The following BCKDHB variants were observed in gnomAD, a reference collection of about 807,000 sequenced individuals.
The protein encoded by BCKDHB is branched chain keto acid dehydrogenase E1 subunit beta.
In BCKDHB, 41 loss-of-function variants were observed where a neutral mutation model predicts 48.5. That is an observed-to-expected ratio of 0.85 (90% CI 0.66 to 1.10). The LOEUF is 1.10. BCKDHB is among the 50% of genes least tolerant of loss of function. The pLI is 0.00. For missense variants in BCKDHB, 496 were observed against 494.2 expected, an observed-to-expected ratio of 1.00 and a Z score of -0.03; for synonymous variants, 201 against 174.8, an observed-to-expected ratio of 1.15 and a Z score of -1.18.
chr6:80,302,312 C>T (rs1767626172), intron 9 of BCKDHB, among the ~76,000 whole-genome samples: 2 of 152,216 alleles, frequency 1.3e-5, no homozygotes, highest in African/African-American at 4.8e-5. Flanking sequence ...TTTCAGGATA[C>T]AAAATCAATG....
intron 9 of BCKDHB, among the ~76,000 whole-genome samples, chr6:80,315,051 G>A (rs994492914): frequency 9.2e-5 from 14 of 152,312 alleles, no homozygotes; most frequent in Admixed American, 7.2e-4. Flanking sequence ...GTTTCCAGCT[G>A]CCTGGAATTC....
chr6:80,259,010 A>G (rs3812121), intron 8 of BCKDHB, among the ~76,000 whole-genome samples: 56,866 of 151,946 alleles, frequency 0.37, 12,290 homozygotes, highest in East Asian at 0.56. Flanking sequence ...ATGTCCTGGC[A>G]TGGGGAGTGG....
At chr6:80,353,852 C>CA in the BCKDHB span, among the ~76,000 whole-genome samples, 1 of 146,924 alleles carries the variant, frequency 6.8e-6, no homozygotes, top group African/African-American at 2.6e-5. Flanking sequence ...GACTCCGTCT[C>CA]AAAAAAAAAA....
intron 6 of BCKDHB, among the ~76,000 whole-genome samples, chr6:80,184,765 T>A (rs1773565643): frequency 6.6e-6 from 1 of 152,182 alleles, no homozygotes; most frequent in African/African-American, 2.4e-5. Context: ...GATAGGACCC[T>A]AATCCCTCTT....
At chr6:80,221,570 A>C (rs1025901080) in intron 8 of BCKDHB, among the ~76,000 whole-genome samples, 2 of 152,086 alleles carry the variant, frequency 1.3e-5, no homozygotes, top group Non-Finnish European at 2.9e-5. Context: ...GTGGGTAATC[A>C]TATTCTGTAA....
chr6:80,228,237 G>A (rs1292235563), intron 8 of BCKDHB, among the ~76,000 whole-genome samples: 2 of 152,088 alleles, frequency 1.3e-5, no homozygotes, highest in South Asian at 2.1e-4. Flanking sequence ...TTTAAATTTT[G>A]TTTTTGTGAT....
the BCKDHB span, among the ~76,000 whole-genome samples, chr6:80,368,312 G>A: frequency 2.6e-5 from 4 of 152,148 alleles, no homozygotes; most frequent in Admixed American, 2.6e-4. Context: ...TCCGCAGTCT[G>A]TACAAAGCTG....
At chr6:80,141,120 A>G (rs562270675) in intron 3 of BCKDHB, among the ~76,000 whole-genome samples, 1 of 152,206 alleles carries the variant, frequency 6.6e-6, no homozygotes, top group East Asian at 1.9e-4. Flanking sequence ...CTCTGACGGT[A>G]GTTTGTATTT....
chr6:80,324,307 T>A (rs1768916853), intron 9 of BCKDHB, among the ~76,000 whole-genome samples: 1 of 152,140 alleles, frequency 6.6e-6, no homozygotes, highest in Non-Finnish European at 1.5e-5. Context: ...GACCTAGGCA[T>A]CTGTTTTTAA....
chr6:80,136,764 CAAT>C (rs1324315734), intron 3 of BCKDHB, among the ~76,000 whole-genome samples: 1 of 151,810 alleles, frequency 6.6e-6, no homozygotes, highest in African/African-American at 2.4e-5. Flanking sequence ...AAAAAAACCC[CAAT>C]CAATTAAAAA....
intron 1 of BCKDHB, among the ~76,000 whole-genome samples, chr6:80,116,102 C>T (rs376468093): frequency 7.2e-5 from 11 of 152,268 alleles, no homozygotes; most frequent in African/African-American, 2.6e-4. Context: ...GTGTGCTCTG[C>T]TCTTGGCCTT....
the BCKDHB span, among the ~76,000 whole-genome samples, chr6:80,436,147 C>CTTT: frequency 7.0e-3 from 495 of 70,364 alleles, 134 homozygotes; most frequent in East Asian, 0.029. Context: ...AAATTCTTTT[C>CTTT]TTTTTTTTTT....
chr6:80,179,349 C>G (rs1291619722), intron 6 of BCKDHB, among the ~76,000 whole-genome samples: 1 of 152,084 alleles, frequency 6.6e-6, no homozygotes, highest in African/African-American at 2.4e-5. Context: ...TTTAACCAAC[C>G]ATAGATTGAA....
intron 8 of BCKDHB, among the ~76,000 whole-genome samples, chr6:80,256,387 T>G (rs1027081814): frequency 6.6e-6 from 1 of 152,198 alleles, no homozygotes; most frequent in Non-Finnish European, 1.5e-5. Context: ...GTTGCTGTAC[T>G]GAATATTGTA....
chr6:80,215,778 C>T lies in BCKDHB; in HGVS notation c.951+12566C>T, dbSNP rs571306046. 7.2e-5 allele frequency among the ~76,000 whole-genome samples: 11 copies of T among 152,220 alleles called. No homozygotes were observed. The East Asian group carries it at 1.4e-3, about 19-fold the overall frequency. ...TTGTTTTTTTGAGACGGAGTCTCGC[C>T]GTGCCACCAGTCTGGAGTGCAGTGG... On this transcript the variant is annotated intron_variant, in intron 8 of 9. Transcript: ENST00000320393.
chr6:80,248,902 ATGTGTGTG>A (rs3077568), intron 8 of BCKDHB, among the ~76,000 whole-genome samples: 45 of 146,786 alleles, frequency 3.1e-4, no homozygotes, highest in African/African-American at 8.3e-4. Flanking sequence ...GTGTGTGTGT[ATGTGTGTG>A]TGTGTGTGTG....
intron 9 of BCKDHB, among the ~76,000 whole-genome samples, chr6:80,325,343 G>A (rs939503578): frequency 7.9e-5 from 12 of 152,152 alleles, no homozygotes; most frequent in African/African-American, 2.4e-4. Flanking sequence ...TCAGGCAAAT[G>A]TGTGGCTTTT....
chr6:80,303,223 C>A (rs1341532611), intron 9 of BCKDHB, among the ~76,000 whole-genome samples: 1 of 151,878 alleles, frequency 6.6e-6, no homozygotes, highest in Non-Finnish European at 1.5e-5. Context: ...GCCTTAAGTT[C>A]TAGGAAGCGG....
At chr6:80,317,539 A>G (rs1768510641) in intron 9 of BCKDHB, among the ~76,000 whole-genome samples, 1 of 152,160 alleles carries the variant, frequency 6.6e-6, no homozygotes, top group African/African-American at 2.4e-5. Flanking sequence ...GACCACAGCT[A>G]GGGGAAGTTC....
Sources: gnomAD v4.1 joint callset for allele counts (sites outside exome capture counted in the v4.1 genomes callset) on GRCh38, gnomAD v4.1.1 for gene constraint, MANE v1.5 for transcripts, NCBI Gene and HGNC (gene_info 2026-07-23, HGNC 2026-07-21) for gene names.